Variants in PCDHGA4 observed in about 807,000 individuals in gnomAD.
PCDHGA4 encodes protocadherin gamma-A4.
In PCDHGA4, 38 loss-of-function variants were observed where a neutral mutation model predicts 54.6. The ratio of observed to expected loss-of-function variants is 0.70; its 90% CI spans 0.54 to 0.91. PCDHGA4 has a LOEUF of 0.91. PCDHGA4 is among the 40% of genes least tolerant of loss of function. The pLI is 0.00. For synonymous variants in PCDHGA4, 511 were observed against 512.9 expected (o/e 1.00, Z 0.05); for missense variants, 1,298 against 1,220.9 (o/e 1.06, Z -0.94).
intron 1 of PCDHGA4, chr5:141,414,156 T>TCTC (rs1462369810): frequency 6.2e-7 from 1 of 1,601,848 alleles, no homozygotes; most frequent in Admixed American, 1.7e-5. Flanking sequence ...AAGCAGAAGA[T>TCTC]GGAGGAGCAT....
chr5:141,384,164 T>C, intron 1 of PCDHGA4: 1 of 1,613,724 alleles, frequency 6.2e-7, no homozygotes, highest in Non-Finnish European at 8.5e-7. Flanking sequence ...AACATCACAC[T>C]GAAAGCCACA....
In PCDHGA4 at chr5:141,489,662, G is replaced by C; in HGVS notation, c.2515-5145G>C. 8.1e-6 allele frequency: 13 copies of C among 1,614,144 alleles called. No individual in the cohort carries two copies. The highest frequency in any genetic ancestry group is 1.1e-5 in the Non-Finnish European group (13 of 1,180,010). On this transcript the variant is annotated intron_variant, in intron 1 of 3. Coordinates refer to ENST00000571252, the MANE Select transcript of PCDHGA4 (RefSeq NM_018917.4). This position sits in a 1 kb window ranked among gnomAD's most constrained non-coding sequence, Gnocchi z 4.5. The stretch of plus-strand genomic sequence containing the variant: ...TTTGCCACCCCTGAGCGAGAGATGC[G>C]CATCTCAGAATCAGCAGCATCTGGG...
chr5:141,434,784 A>C (rs967716221), intron 1 of PCDHGA4, among the ~76,000 whole-genome samples: 1 of 150,278 alleles, frequency 6.7e-6, no homozygotes, highest in African/African-American at 2.5e-5. Flanking sequence ...AAAAAAAAAA[A>C]TTTTTTTTTC....
In PCDHGA4 at chr5:141,374,282, G is replaced by A. The variant is rs753347582; in HGVS notation, c.2514+16661G>A. 7 of 1,613,854 alleles carry A rather than the reference G, an allele frequency of 4.3e-6. No individual in the cohort carries two copies. In the East Asian group the frequency reaches 8.9e-5, roughly 21 times the overall value. On this transcript the variant is annotated intron_variant, in intron 1 of 3. Transcript: ENST00000571252. ...GTTGGCGGAGCACGGAGTCCGCATC[G>A]TCTCCAGAGGTAGGATGCAGCTTTT...
At chr5:141,370,572 GA>G in intron 1 of PCDHGA4, 9 of 1,613,960 alleles carry the variant, frequency 5.6e-6, no homozygotes, top group Non-Finnish European at 7.6e-6. Context: ...TGGCGTGGGG[GA>G]TTTACCTACT....
chr5:141,383,124 C>G (rs1245604127), intron 1 of PCDHGA4: 3 of 1,613,930 alleles, frequency 1.9e-6, no homozygotes, highest in Non-Finnish European at 2.5e-6. Context: ...CGCAGCTTTT[C>G]GCCCTGAACC....
chr5:141,403,207 CACCGCGGGTAGGATAG>C, intron 1 of PCDHGA4: 1 of 1,613,966 alleles, frequency 6.2e-7, no homozygotes, highest in South Asian at 1.1e-5. Context: ...GCACCTTGGT[CACCGCGGGTAGGATAG>C]ACCGGGAGGA....
chr5:141,427,978 T>C (rs750753961), intron 1 of PCDHGA4: 1 of 1,595,484 alleles, frequency 6.3e-7, no homozygotes, highest in African/African-American at 1.3e-5. Flanking sequence ...TACCCCGCGC[T>C]GGGGCCCGAT....
At position 141,362,521 on chromosome 5, in the gene PCDHGA4, G is replaced by T. The variant is rs1299145664; in HGVS notation, c.2514+4900G>T. On this transcript the variant is annotated intron_variant, in intron 1 of 3. Transcript: ENST00000571252. ...GGAACAAAATACAAATCATGGAGCC[G>T]CTGGGGTCCCTTTTGCCTCAGATAC... The T allele has an allele frequency of 2.2e-5, 36 of 1,613,832 alleles. No individual in the cohort carries two copies. The highest frequency in any genetic ancestry group is 2.8e-5 in the Non-Finnish European group (33 of 1,179,902).
rs370067669 is a variant in PCDHGA4 at position 141,419,410 on chromosome 5, G to A, written c.2514+61789G>A. ...CGCAGAGCGGGGTGGTGTTCGCGCA[G>A]CGCGCCTTCGACCACGAGCAGCTGC... On this transcript the variant is annotated intron_variant, in intron 1 of 3. Coordinates refer to ENST00000571252, the MANE Select transcript of PCDHGA4 (RefSeq NM_018917.4). 140 of 1,613,468 alleles carry A rather than the reference G, an allele frequency of 8.7e-5. No individual in the cohort carries two copies. In the African/African-American group the frequency reaches 1.8e-3, roughly 20 times the overall value.
intron 1 of PCDHGA4, among the ~76,000 whole-genome samples, chr5:141,425,417 G>A (rs1238708306): frequency 2.0e-5 from 3 of 152,162 alleles, no homozygotes; most frequent in East Asian, 3.9e-4. Context: ...ATAACATATA[G>A]TCCCATTAAA....
At chr5:141,408,738 C>A in intron 1 of PCDHGA4, 1 of 1,609,632 alleles carries the variant, frequency 6.2e-7, no homozygotes, top group Non-Finnish European at 8.5e-7. Flanking sequence ...CCTTATTTTT[C>A]ATTAATGGTT....
At chr5:141,426,764 T>C (rs1285434687) in intron 1 of PCDHGA4, 5 of 456,638 alleles carry the variant, frequency 1.1e-5, no homozygotes, top group Non-Finnish European at 2.2e-5. Flanking sequence ...TAGATGCAGA[T>C]GTAGGGCCTC....
chr5:141,411,017 A>T lies in PCDHGA4; in HGVS notation c.2514+53396A>T, dbSNP rs140607036. ...TACTGGTGCCCCTCACCACAGCTAA[A>T]TTTTTTGTATTTTTAGTAGACATGG... On this transcript the variant is annotated intron_variant, in intron 1 of 3. Transcript: ENST00000571252. 3.9e-3 allele frequency: 631 copies of T among 162,486 alleles called. 5 individuals are homozygous for T. Among genetic ancestry groups the T allele is most frequent in the Admixed American group, 0.011 (172 of 16,000 alleles). 10.1% of individuals were successfully genotyped at this position (162,486 alleles called of 1,614,324 possible).
intron 1 of PCDHGA4, chr5:141,402,997 G>C: frequency 3.7e-6 from 6 of 1,613,928 alleles, no homozygotes; most frequent in Non-Finnish European, 5.1e-6. Context: ...GATTAGTCCT[G>C]CTATGCTCGC....
intron 1 of PCDHGA4, chr5:141,422,081 T>C: frequency 2.5e-6 from 4 of 1,612,346 alleles, no homozygotes; most frequent in Non-Finnish European, 3.4e-6. Context: ...TTTCGGAACA[T>C]GGAAAGCAAG....
rs528779386 is a variant in PCDHGA4, at chr5:141,509,416, C to T, written c.2663-1531C>T. Among the ~76,000 whole-genome samples, 4 of 152,258 alleles carry T rather than the reference C, an allele frequency of 2.6e-5. No individual in the cohort carries two copies. In the East Asian group the frequency reaches 7.7e-4, roughly 29 times the overall value. ...TCTCAGGGCCTCCAGCAGCGAGCCCCAATGAGTCAAACTCTTGTTTCCTCC... is the reference window on the plus strand; with the variant it reads ...TCTCAGGGCCTCCAGCAGCGAGCCCTAATGAGTCAAACTCTTGTTTCCTCC... On this transcript the variant is annotated intron_variant, in intron 3 of 3. Transcript: ENST00000571252.
rs1252361961 is a variant in PCDHGA4 at position 141,486,106 on chromosome 5, G to A, written c.2515-8701G>A. The A allele has an allele frequency of 2.5e-6, 4 of 1,614,190 alleles. No individual in the cohort carries two copies. The highest frequency in any genetic ancestry group is 1.1e-5 in the South Asian group (1 of 91,086). Reference sequence around the variant, plus strand: ...CTCTTTTGGGGCCCCTAGACTTTGAGAGTGAGAATTACTATGAATTTGATG... The same window carrying A: ...CTCTTTTGGGGCCCCTAGACTTTGAAAGTGAGAATTACTATGAATTTGATG... On this transcript the variant is annotated intron_variant, in intron 1 of 3. Transcript: ENST00000571252. The surrounding 1 kb of genome is among the most constrained non-coding windows in gnomAD (Gnocchi z 5.0).
intron 1 of PCDHGA4, chr5:141,376,159 C>A: frequency 1.9e-6 from 3 of 1,614,084 alleles, no homozygotes; most frequent in Non-Finnish European, 2.5e-6. Context: ...TCACTCTGTA[C>A]CTGGTGGTGG....
Sources: gnomAD v4.1 joint callset for allele counts (sites outside exome capture counted in the v4.1 genomes callset) on GRCh38, gnomAD v4.1.1 for gene constraint, Gnocchi (gnomAD v3.1) non-coding constraint, MANE v1.5 for transcripts, NCBI Gene and HGNC (gene_info 2026-07-23, HGNC 2026-07-21) for gene names.